The following ALCAM variants were observed in gnomAD, a reference collection of about 807,000 sequenced individuals.
The protein encoded by ALCAM is CD166 antigen.
Under a neutral mutation model 70.9 loss-of-function variants are expected in ALCAM, and 30 were observed. The observed-to-expected ratio is 0.42, with a 90% confidence interval of 0.32 to 0.57. ALCAM has a LOEUF of 0.57. ALCAM is among the 20% of genes least tolerant of loss of function. The pLI is 0.11. For synonymous variants in ALCAM, 249 were observed against 242.5 expected, an observed-to-expected ratio of 1.03 and a Z score of -0.25; for missense variants, 591 against 695.1, an observed-to-expected ratio of 0.85 and a Z score of 1.68.
At chr3:105,390,148 G>T (rs192381929) in intron 1 of ALCAM, among the ~76,000 whole-genome samples, 47 of 151,916 alleles carry the variant, frequency 3.1e-4, no homozygotes, top group Non-Finnish European at 4.3e-4. Flanking sequence ...TTCTAGGTCT[G>T]AGAGGAATCA....
chr3:105,373,540 T>G (rs1935296881), intron 1 of ALCAM, among the ~76,000 whole-genome samples: 1 of 152,188 alleles, frequency 6.6e-6, no homozygotes, highest in Non-Finnish European at 1.5e-5. Context: ...AAAAAAACTT[T>G]CCTGTACTTA....
intron 1 of ALCAM, among the ~76,000 whole-genome samples, chr3:105,395,073 A>T (rs563695915): frequency 6.6e-6 from 1 of 152,074 alleles, no homozygotes; most frequent in African/African-American, 2.4e-5. Context: ...CATGCCATAA[A>T]CTTATTCTCA....
chr3:105,423,620 T>G (rs2107421271), intron 1 of ALCAM, among the ~76,000 whole-genome samples: 1 of 151,682 alleles, frequency 6.6e-6, no homozygotes, highest in South Asian at 2.1e-4. Context: ...TTCTTTTAGA[T>G]GAGTATTAAA....
At chr3:105,404,222 A>T (rs1173506444) in intron 1 of ALCAM, among the ~76,000 whole-genome samples, 2 of 152,124 alleles carry the variant, frequency 1.3e-5, no homozygotes, top group African/African-American at 4.8e-5. Context: ...ACATCCAAAG[A>T]TGAGAAGCTC....
chr3:105,413,062 G>A (rs9288802), intron 1 of ALCAM, among the ~76,000 whole-genome samples: 107,148 of 151,964 alleles, frequency 0.71, 38,064 homozygotes, highest in East Asian at 0.93. Context: ...TTGCCATTCA[G>A]GTAGACCCAG....
chr3:105,479,268 A>G (rs1270361590), intron 1 of ALCAM, among the ~76,000 whole-genome samples: 6 of 152,120 alleles, frequency 3.9e-5, no homozygotes, highest in Admixed American at 2.0e-4. Context: ...CATTCATGTT[A>G]TTAATAGAAA....
At chr3:105,524,790 G>A (rs1939653839) in intron 3 of ALCAM, 4 of 1,145,356 alleles carry the variant, frequency 3.5e-6, no homozygotes, top group Non-Finnish European at 4.3e-6. Flanking sequence ...CTGATAACTA[G>A]CAGGTGATCT....
At chr3:105,425,941 T>G (rs1044315997) in intron 1 of ALCAM, among the ~76,000 whole-genome samples, 5 of 151,830 alleles carry the variant, frequency 3.3e-5, no homozygotes, top group African/African-American at 4.8e-5. Flanking sequence ...CAAATGGAGA[T>G]GCTTACATGA....
intron 11 of ALCAM, 60 bp from the exon 12 acceptor site, chr3:105,550,067 T>C (rs1345897198): frequency 4.8e-6 from 7 of 1,468,230 alleles, no homozygotes; most frequent in African/African-American, 1.4e-5. Context: ...ATCATTACTC[T>C]TTCCTATGCT....
At chr3:105,402,877 T>A (rs950735041) in intron 1 of ALCAM, among the ~76,000 whole-genome samples, 1 of 151,030 alleles carries the variant, frequency 6.6e-6, no homozygotes, top group African/African-American at 2.4e-5. Flanking sequence ...GAAACCTGAA[T>A]ACTTAACCAG....
rs142758368 is a variant in ALCAM at position 105,385,690 on chromosome 3, T to C, written c.73+18209T>C. On this transcript the variant is annotated intron_variant, in intron 1 of 15. Coordinates refer to ENST00000306107, the MANE Select transcript of ALCAM (RefSeq NM_001627.4). Reference sequence around the variant, plus strand: ...ATATGTCTTGAAATCCAGAGCATTTTGGTCCAAATTTAACAATGTGTGTCA... The same window carrying C: ...ATATGTCTTGAAATCCAGAGCATTTCGGTCCAAATTTAACAATGTGTGTCA... 3.6e-3 allele frequency among the ~76,000 whole-genome samples: 550 copies of C among 151,770 alleles called. 11 individuals are homozygous for C. The highest frequency in any genetic ancestry group is 0.03 in the South Asian group (147 of 4,826).
intron 8 of ALCAM, among the ~76,000 whole-genome samples, chr3:105,542,045 A>G (rs983074309): frequency 6.6e-6 from 1 of 151,900 alleles, no homozygotes; most frequent in Non-Finnish European, 1.5e-5. Context: ...AACAATATTC[A>G]TATAGACCTT....
intron 1 of ALCAM, among the ~76,000 whole-genome samples, chr3:105,434,642 G>C (rs893659132): frequency 6.6e-6 from 1 of 151,864 alleles, no homozygotes; most frequent in Non-Finnish European, 1.5e-5. Context: ...TGGTAAGTAG[G>C]GATAAATTAA....
chr3:105,576,124 A>G lies in ALCAM; in HGVS notation c.*1673A>G, dbSNP rs1940958715. 6.6e-6 allele frequency: 1 copy of G among 152,464 alleles called. No individual in the cohort carries two copies. Among genetic ancestry groups the G allele is most frequent in the Admixed American group, 6.6e-5 (1 of 15,260 alleles). 9.4% of individuals were successfully genotyped at this position (152,464 alleles called of 1,614,324 possible). A position where few individuals can be genotyped will look rare whatever the true frequency, so the allele number is the denominator to read the frequency against. ...TCGATGCTGTATAAAATATTATGGG[A>G]AAAAAAGAAAATACGTTATTTTGCC... On this transcript the variant is annotated 3_prime_UTR_variant, in exon 16 of 16. Transcript: ENST00000306107.
chr3:105,382,931 TA>T (rs962201062), intron 1 of ALCAM, among the ~76,000 whole-genome samples: 1 of 151,864 alleles, frequency 6.6e-6, no homozygotes, highest in African/African-American at 2.4e-5. Flanking sequence ...AGTAACTTCT[TA>T]ATATAGCATT....
intron 1 of ALCAM, among the ~76,000 whole-genome samples, chr3:105,401,030 A>G (rs1434004888): frequency 6.6e-6 from 1 of 152,206 alleles, no homozygotes; most frequent in African/African-American, 2.4e-5. Flanking sequence ...GCAAAACTGT[A>G]TTATAAAGGA....
chr3:105,384,943 C>G (rs947876534), intron 1 of ALCAM, among the ~76,000 whole-genome samples: 1 of 151,258 alleles, frequency 6.6e-6, no homozygotes, highest in Non-Finnish European at 1.5e-5. Flanking sequence ...ATATATAAAC[C>G]TAATTGGGCC....
chr3:105,510,553 T>C (rs1387113723), intron 1 of ALCAM, among the ~76,000 whole-genome samples: 1 of 152,076 alleles, frequency 6.6e-6, no homozygotes, highest in Non-Finnish European at 1.5e-5. Flanking sequence ...TATTTAATAA[T>C]GTTTTACTAA....
At chr3:105,572,016 C>T in intron 15 of ALCAM, 52 bp downstream of exon 15, 2 of 1,057,442 alleles carry the variant, frequency 1.9e-6, no homozygotes, top group Non-Finnish European at 2.8e-6. Context: ...AAGTAGGAAA[C>T]ATCCTTAAAG....
Sources: allele counts gnomAD v4.1 joint callset (sites outside exome capture counted in the v4.1 genomes callset), GRCh38; gene constraint gnomAD v4.1.1; transcripts MANE v1.5; gene names NCBI Gene and HGNC (gene_info 2026-07-23, HGNC 2026-07-21).